Variants in CARMIL2 observed in about 807,000 individuals in gnomAD.
CARMIL2 encodes capping protein, Arp2/3 and myosin-I linker protein 2.
CARMIL2 carries 96 observed loss-of-function variants against 173.3 expected under a neutral mutation model. That is an observed-to-expected ratio of 0.55 (90% CI 0.47 to 0.66). CARMIL2 has a LOEUF of 0.66. Ranked by LOEUF, CARMIL2 falls within the 30% of genes least tolerant of loss-of-function variation. The pLI is 0.00. For missense variants in CARMIL2, 1,771 were observed against 1,906.7 expected, an observed-to-expected ratio of 0.93 and a Z score of 1.33; for synonymous variants, 830 against 817.1, an observed-to-expected ratio of 1.02 and a Z score of -0.27.
Position 67,657,158 on chromosome 16 carries a change from A to G in CARMIL2, c.4118-81A>G. 1.6e-6 allele frequency: 2 copies of G among 1,255,998 alleles called. No individual in the cohort carries two copies. The highest frequency in any genetic ancestry group is 2.3e-6 in the Non-Finnish European group (2 of 874,504). The allele number at this position is 1,255,998 out of a possible 1,614,324, so 77.8% of individuals were successfully genotyped here. ...TGTGTGTGAGTGCATGCTTATGTGC[A>G]CTGGAGGTGGAAGAGAGGGGCAGGG... On this transcript the variant is annotated intron_variant, in intron 36 of 37. Coordinates refer to ENST00000334583, the MANE Select transcript of CARMIL2 (RefSeq NM_001013838.3). The surrounding 1 kb of genome is among the most constrained non-coding windows in gnomAD (Gnocchi z 4.5).
Position 67,654,624 on chromosome 16 carries a change from A to G in CARMIL2, c.3514A>G (p.Ser1172Gly). ...GRSRPRYTRD[S>G]KAYSMILLPA... ...GAGCCGACCTCGCTACACAAGAGAT[A>G]GCAAGGCCTACTCGATGATACTGCT... Residue 1172 changes from serine (S) to glycine (G), a missense_variant, in exon 31 of 38, where the codon AGC (serine) becomes GGC (glycine). This residue lies in a region of CARMIL2 where 817 missense variants were observed against 903.5 expected (regional missense o/e 0.90). Coordinates refer to ENST00000334583, the MANE Select transcript of CARMIL2 (RefSeq NM_001013838.3). 3 of 1,597,342 alleles carry G rather than the reference A, an allele frequency of 1.9e-6. No individual in the cohort carries two copies. Among genetic ancestry groups the G allele is most frequent in the Non-Finnish European group, 2.6e-6 (3 of 1,170,776 alleles).
chr16:67,647,260 C>T (rs758078983), intron 9 of CARMIL2, 39 bp from the exon 10 acceptor site: 2 of 1,610,792 alleles, frequency 1.2e-6, no homozygotes, highest in African/African-American at 1.3e-5. Flanking sequence ...CGCTGAGGGC[C>T]AGGGTGCAGC....
rs758260253 is a variant in CARMIL2 at position 67,656,246 on chromosome 16, C to G, written c.3761C>G (p.Ser1254Cys). 1 of 1,614,000 alleles carries G rather than the reference C, an allele frequency of 6.2e-7. No homozygotes were observed. The change falls in exon 34 of 38, where the codon TCC becomes TGC. Residue 1254 changes from serine (S) to cysteine (C), a missense_variant. This residue lies in a region of CARMIL2 where 817 missense variants were observed against 903.5 expected (regional missense o/e 0.90). Coordinates refer to ENST00000334583, the MANE Select transcript of CARMIL2 (RefSeq NM_001013838.3). ...CTTGCAGGTGACATTATGGACAGTT[C>G]CACGGAGGCCCCTCCCATCTCGATC... ...AGSDGDIMDS[S>C]TEAPPISIKS... is the part of the protein sequence containing the mutation.
rs759780746 is a variant in CARMIL2, at chr16:67,651,928, C to A, written c.2596C>A (p.Arg866=). ...GTCCTCTCCTGCCCTTAGGGACATGCGGCTATCAATCACGGGGACCTTGGC... is the reference window on the plus strand; with the variant it reads ...GTCCTCTCCTGCCCTTAGGGACATGAGGCTATCAATCACGGGGACCTTGGC... The part of the protein sequence containing the change: ...QDAFTRLRDM[R]LSITGTLAES... Residue 866 remains arginine, a synonymous_variant, in exon 26 of 38, where the codon CGG becomes AGG. Coordinates refer to ENST00000334583, the MANE Select transcript of CARMIL2 (RefSeq NM_001013838.3). The surrounding 1 kb of genome is among the most constrained non-coding windows in gnomAD (Gnocchi z 4.2). 4.3e-6 allele frequency: 7 copies of A among 1,613,528 alleles called. No individual in the cohort carries two copies. Among genetic ancestry groups the A allele is most frequent in the South Asian group, 1.1e-5 (1 of 91,084 alleles).
rs367798310 is a variant in CARMIL2 at position 67,656,097 on chromosome 16, A to T, written c.3742+30A>T. On this transcript the variant is annotated intron_variant, in intron 33 of 37. Transcript: ENST00000334583. Reference sequence around the variant, plus strand: ...GTGGGACCCTGGGGTGTGGCAGTACATTTGCCAGGAGGTGTCCTTATAGAC... The same window carrying T: ...GTGGGACCCTGGGGTGTGGCAGTACTTTTGCCAGGAGGTGTCCTTATAGAC... 5.0e-6 allele frequency: 8 copies of T among 1,609,496 alleles called. No homozygotes were observed. In the South Asian group the frequency reaches 8.8e-5, roughly 18 times the overall value.
At chr16:67,655,443 G>T (rs751190549) in intron 32 of CARMIL2, among the ~76,000 whole-genome samples, 5 of 152,098 alleles carry the variant, frequency 3.3e-5, no homozygotes, top group Non-Finnish European at 5.9e-5. Context: ...AAAAGAAAAA[G>T]AAAAAAATCT....
rs1311496867 is a variant in CARMIL2, at chr16:67,654,040, C to T, written c.3121-109C>T. The T allele has an allele frequency of 3.6e-5, 26 of 713,290 alleles. No individual in the cohort carries two copies. In the East Asian group the frequency reaches 6.3e-4, roughly 17 times the overall value. The allele number at this position is 713,290 out of a possible 1,614,324, so 44.2% of individuals were successfully genotyped here. A position where few individuals can be genotyped will look rare whatever the true frequency, so the allele number is the denominator to read the frequency against. On this transcript the variant is annotated intron_variant, in intron 29 of 37. Transcript: ENST00000334583. The stretch of plus-strand genomic sequence containing the variant: ...GTATCAGCAGCCCCTAGGGTCACCC[C>T]AGTCTGGAATCCTGGAGTTATTCAG...
Position 67,653,299 on chromosome 16 carries a change from A to G in CARMIL2, c.3120+45A>G. 1.0e-6 allele frequency: 1 copy of G among 973,472 alleles called. No homozygotes were observed. Among genetic ancestry groups the G allele is most frequent in the Non-Finnish European group, 1.3e-6 (1 of 782,116 alleles). The allele number at this position is 973,472 out of a possible 1,614,324, so 60.3% of individuals were successfully genotyped here. On this transcript the variant is annotated intron_variant, in intron 29 of 37. Transcript: ENST00000334583. The surrounding 1 kb of genome is among the most constrained non-coding windows in gnomAD (Gnocchi z 7.4). ...TCCGGAGCGCGTGGAATTGGGGATC[A>G]CGGGTGGCCCGGCCGCTCCTCATGG...
chr16:67,651,622 C>T lies in CARMIL2; in HGVS notation c.2428-63C>T. 4.4e-6 allele frequency: 7 copies of T among 1,578,798 alleles called. No homozygotes were observed. Among genetic ancestry groups the T allele is most frequent in the Non-Finnish European group, 6.0e-6 (7 of 1,163,106 alleles). On this transcript the variant is annotated intron_variant, in intron 24 of 37. Transcript: ENST00000334583. This position sits in a 1 kb window ranked among gnomAD's most constrained non-coding sequence, Gnocchi z 4.2. Reference sequence around the variant, plus strand: ...ACTCAATATTCTGTTGGAGTTGGAGCCTCAAGCCAGCAGCCTGGTGTCTGG... The same window carrying T: ...ACTCAATATTCTGTTGGAGTTGGAGTCTCAAGCCAGCAGCCTGGTGTCTGG...
Position 67,653,040 on chromosome 16 carries a change from C to T in CARMIL2, c.2906C>T (p.Pro969Leu). ...FIHSAAEEAEPEPELAAPGED... is the reference protein window; with the variant it reads ...FIHSAAEEAELEPELAAPGED... The stretch of plus-strand genomic sequence containing the variant: ...TCAGGTGCTGCTGAGGAAGCGGAGC[C>T]GGAGCCCGAGCTGGCGGCTCCGGGA... Residue 969 changes from proline (P) to leucine (L), a missense_variant, in exon 29 of 38, where the codon CCG becomes CTG. By Grantham distance (98) the Pro-to-Leu change is moderately conservative. Transcript: ENST00000334583. The surrounding 1 kb of genome is among the most constrained non-coding windows in gnomAD (Gnocchi z 7.4). 2 of 1,272,036 alleles carry T rather than the reference C, an allele frequency of 1.6e-6. No homozygotes were observed. Among genetic ancestry groups the T allele is most frequent in the South Asian group, 1.4e-5 (1 of 69,236 alleles). The allele number at this position is 1,272,036 out of a possible 1,614,324, so 78.8% of individuals were successfully genotyped here. A position where few individuals can be genotyped will look rare whatever the true frequency, so the allele number is the denominator to read the frequency against.
rs1398418555 is a variant in CARMIL2 at position 67,650,484 on chromosome 16, CCCAG to C, written c.2184+336_2184+339del. The C allele has an allele frequency of 1.9e-5, 7 of 376,792 alleles. No individual in the cohort carries two copies. The South Asian group carries it at 2.0e-4, about 11-fold the overall frequency. The allele number at this position is 376,792 out of a possible 1,614,324, so 23.3% of individuals were successfully genotyped here. On this transcript the variant is annotated intron_variant, in intron 22 of 37. Transcript: ENST00000334583. ...CTCCCCTCTCCATTGTGTGCCCAAA[CCCAG>C]CTGCTCCTTCACTGTCTTCATCTCC...
At chr16:67,650,181 A>G (rs1383146816) in intron 22 of CARMIL2, 31 bp downstream of exon 22, 36 of 1,558,924 alleles carry the variant, frequency 2.3e-5, no homozygotes, top group Non-Finnish European at 3.1e-5. Context: ...CACGAGAGGT[A>G]GGGCATGAGG....
At chr16:67,645,308 C>T in intron 1 of CARMIL2, 22 bp downstream of exon 1, 1 of 1,597,294 alleles carries the variant, frequency 6.3e-7, no homozygotes, top group Non-Finnish European at 8.5e-7. Flanking sequence ...CCCTTCCTGC[C>T]TTCTTGGCCG....
At chr16:67,645,921 C>T in intron 3 of CARMIL2, 97 bp from the exon 4 acceptor site, 1 of 1,563,628 alleles carries the variant, frequency 6.4e-7, no homozygotes, top group Non-Finnish European at 8.8e-7. Context: ...GAGGGGAGTC[C>T]AGGCAGATCT....
In CARMIL2 at chr16:67,648,266, G is replaced by T. The variant is rs759312707; in HGVS notation, c.1286G>T (p.Cys429Phe). 2.5e-6 allele frequency: 4 copies of T among 1,598,938 alleles called. No individual in the cohort carries two copies. Among genetic ancestry groups the T allele is most frequent in the Non-Finnish European group, 3.4e-6 (4 of 1,176,892 alleles). Residue 429 changes from cysteine to phenylalanine, a missense_variant, in exon 14 of 38, where the codon TGC (cysteine) becomes TTC (phenylalanine). Cys to Phe is a radical substitution (Grantham distance 205). Around this residue, in one of 3 missense-constraint regions of CARMIL2, gnomAD observed 944 missense variants for 975.6 expected, o/e 0.97. Coordinates refer to ENST00000334583, the MANE Select transcript of CARMIL2 (RefSeq NM_001013838.3). The surrounding 1 kb of genome is among the most constrained non-coding windows in gnomAD (Gnocchi z 6.1). ...QLFAAVSRGC[C>F]TSLTHLDASR... ...TTCGCAGCGGTATCCCGAGGCTGCTGCACCAGCCTTACCCACCTCGACGCT... is the reference window on the plus strand; with the variant it reads ...TTCGCAGCGGTATCCCGAGGCTGCTTCACCAGCCTTACCCACCTCGACGCT...
At position 67,647,023 on chromosome 16, in the gene CARMIL2, C is replaced by A. The variant is rs199736480; in HGVS notation, c.611+50C>A. ...AGGAGGAAGATCCCGGGGCCCATAT[C>A]CCTGGGCCTCAGTTTCTCCATGGAG... On this transcript the variant is annotated intron_variant, in intron 8 of 37. Transcript: ENST00000334583. The A allele has an allele frequency of 6.9e-4, 1,110 of 1,602,238 alleles. 1 individual carries two copies. The highest frequency in any genetic ancestry group is 1.2e-3 in the Middle Eastern group (7 of 6,018).
At position 67,656,796 on chromosome 16, in the gene CARMIL2, C is replaced by T. The variant is rs1241634626; in HGVS notation, c.4037-5C>T. On this transcript the variant is annotated splice_polypyrimidine_tract_variant and splice_region_variant and intron_variant, in intron 35 of 37. Coordinates refer to ENST00000334583, the MANE Select transcript of CARMIL2 (RefSeq NM_001013838.3). ...GAATACCCCTGATTCCCTGGCCTCC[C>T]TCAGATGGCCAGCTGAGGCCGAGGC... 1.9e-6 allele frequency: 3 copies of T among 1,551,330 alleles called. No individual in the cohort carries two copies. Among genetic ancestry groups the T allele is most frequent in the East Asian group, 4.9e-5 (2 of 40,952 alleles).
Position 67,654,579 on chromosome 16 carries a change from A to G in CARMIL2, c.3469A>G (p.Ser1157Gly), listed in dbSNP as rs753369230. ...TGGTGGGGCTGAGGGGGACACCAGC[A>G]GCCCTGACCCTGCCGGCAGGAGCCG... is the stretch of plus-strand genomic sequence containing the variant. ...ELGGAEGDTS[S>G]PDPAGRSRPR... The change falls in exon 31 of 38, where the codon AGC becomes GGC. Residue 1157 changes from serine (S) to glycine (G), a missense_variant. Ser to Gly is a moderately conservative substitution (Grantham distance 56). Transcript: ENST00000334583. 1 of 1,609,242 alleles carries G rather than the reference A, an allele frequency of 6.2e-7. No individual in the cohort carries two copies. Among genetic ancestry groups the G allele is most frequent in the South Asian group, 1.1e-5 (1 of 90,896 alleles).
intron 22 of CARMIL2, chr16:67,650,413 C>A: frequency 3.7e-6 from 2 of 545,268 alleles, no homozygotes; most frequent in Non-Finnish European, 6.6e-6. Context: ...CCTCAATTTT[C>A]CCCCAATTGT....
Sources: gnomAD v4.1 joint callset for allele counts (sites outside exome capture counted in the v4.1 genomes callset) on GRCh38, gnomAD v4.1.1 for gene constraint, gnomAD v4.1.1 regional missense constraint, Gnocchi (gnomAD v3.1) non-coding constraint, MANE v1.5 for transcripts, NCBI Gene and HGNC (gene_info 2026-07-23, HGNC 2026-07-21) for gene names.